The following KIF26B variants were observed in gnomAD, a reference collection of about 807,000 sequenced individuals.
KIF26B encodes the protein kinesin family member 26B.
KIF26B carries 63 observed loss-of-function variants against 151.2 expected under a neutral mutation model. That is an observed-to-expected ratio of 0.42 (90% CI 0.34 to 0.51). KIF26B has a LOEUF of 0.51. Among genes scored for constraint, KIF26B ranks in the 20% least tolerant of loss-of-function variants. KIF26B has a pLI of 0.07. For synonymous variants in KIF26B, 1,357 were observed against 1,262.1 expected, an observed-to-expected ratio of 1.08 and a Z score of -1.59; for missense variants, 2,813 against 2,913.6, an observed-to-expected ratio of 0.97 and a Z score of 0.79.
intron 4 of KIF26B, among the ~76,000 whole-genome samples, chr1:245,522,122 G>A (rs1008266081): frequency 1.7e-4 from 26 of 152,078 alleles, no homozygotes; most frequent in East Asian, 1.9e-4. Flanking sequence ...GCCCGCCTTG[G>A]CCTCCCAAAG....
At chr1:245,161,756 G>T (rs895873370) in intron 2 of KIF26B, among the ~76,000 whole-genome samples, 3 of 152,144 alleles carry the variant, frequency 2.0e-5, no homozygotes, top group South Asian at 2.1e-4. Flanking sequence ...GAAAAAATAT[G>T]CAAGGAACAG....
intron 3 of KIF26B, among the ~76,000 whole-genome samples, chr1:245,418,588 C>A (rs1417191095): frequency 6.6e-6 from 1 of 152,186 alleles, no homozygotes; most frequent in African/African-American, 2.4e-5. Flanking sequence ...CTTTATTGCA[C>A]TTGTATTTAG....
At chr1:245,331,239 G>A (rs12562675) in intron 2 of KIF26B, among the ~76,000 whole-genome samples, 5 of 152,182 alleles carry the variant, frequency 3.3e-5, no homozygotes, top group East Asian at 3.9e-4. Context: ...GTGCACGTGC[G>A]GACCAGAGGC....
At chr1:245,552,122 G>GAT (rs1553287299) in intron 5 of KIF26B, among the ~76,000 whole-genome samples, 4,127 of 131,626 alleles carry the variant, frequency 0.031, 221 homozygotes, top group Middle Eastern at 0.056. Context: ...GAACCAGCAG[G>GAT]GTGTGTGTGT....
intron 2 of KIF26B, among the ~76,000 whole-genome samples, chr1:245,361,724 T>C (rs1558402903): frequency 6.6e-6 from 1 of 152,218 alleles, no homozygotes; most frequent in Non-Finnish European, 1.5e-5. Flanking sequence ...TTATTTTGGC[T>C]GTCTCAGGCC....
At chr1:245,370,008 T>C (rs145253054) in intron 3 of KIF26B, among the ~76,000 whole-genome samples, 42 of 152,306 alleles carry the variant, frequency 2.8e-4, no homozygotes, top group African/African-American at 1.0e-3. Flanking sequence ...TTGTTTGCAG[T>C]TTTAAAATAT....
rs547614664 is a variant in KIF26B, at chr1:245,602,962, C to G, written c.1557+179C>G. Among the ~76,000 whole-genome samples, 1 of 152,060 alleles carries G rather than the reference C, an allele frequency of 6.6e-6. No homozygotes were observed. The highest frequency in any genetic ancestry group is 2.4e-5 in the African/African-American group (1 of 41,394). On this transcript the variant is annotated intron_variant, in intron 6 of 14. Coordinates refer to ENST00000407071, the MANE Select transcript of KIF26B (RefSeq NM_018012.4). This position sits in a 1 kb window ranked among gnomAD's most constrained non-coding sequence, Gnocchi z 4.5. ...GTGCTTTTGAATTACTGGTGTCAGA[C>G]CTTGGGCAGGATCAGTGTGCACAGA... is the stretch of plus-strand genomic sequence containing the variant.
chr1:245,665,145 A>G (rs1351227732), intron 10 of KIF26B, among the ~76,000 whole-genome samples: 1 of 152,210 alleles, frequency 6.6e-6, no homozygotes, highest in East Asian at 1.9e-4. Context: ...TCTTCTATAC[A>G]GTTTGAGCTC....
intron 2 of KIF26B, among the ~76,000 whole-genome samples, chr1:245,174,550 G>A (rs929873779): frequency 2.6e-5 from 4 of 151,988 alleles, no homozygotes; most frequent in African/African-American, 7.2e-5. Context: ...TCTGTCATCC[G>A]GGCTGGAGTG....
At chr1:245,605,709 A>G (rs2043444814) in intron 6 of KIF26B, among the ~76,000 whole-genome samples, 1 of 152,064 alleles carries the variant, frequency 6.6e-6, no homozygotes, top group South Asian at 2.1e-4. Flanking sequence ...TCCCAGGGGA[A>G]GCAGCAAGGG....
intron 10 of KIF26B, among the ~76,000 whole-genome samples, chr1:245,659,904 C>T (rs1257327122): frequency 1.3e-5 from 2 of 150,526 alleles, no homozygotes; most frequent in Non-Finnish European, 3.0e-5. Flanking sequence ...AAAAAAAAGC[C>T]AGGCGTGGTG....
chr1:245,243,457 C>CACAT (rs1205230437), intron 2 of KIF26B, among the ~76,000 whole-genome samples: 3 of 143,262 alleles, frequency 2.1e-5, no homozygotes, highest in Non-Finnish European at 3.2e-5. Flanking sequence ...TACACACACA[C>CACAT]ACACACACAC....
chr1:245,658,086 CAT>C (rs892783214), intron 10 of KIF26B, among the ~76,000 whole-genome samples: 2 of 152,218 alleles, frequency 1.3e-5, no homozygotes, highest in Non-Finnish European at 2.9e-5. Context: ...CCCCCCAAAA[CAT>C]ACTGTTTAGT....
At chr1:245,434,069 G>A (rs10754452) in intron 4 of KIF26B, among the ~76,000 whole-genome samples, 60,425 of 151,804 alleles carry the variant, frequency 0.4, 13,740 homozygotes, top group East Asian at 0.58. Context: ...TATAAATGTG[G>A]CTCATTTTTC....
chr1:245,301,198 T>C (rs866631058), intron 2 of KIF26B, among the ~76,000 whole-genome samples: 1 of 152,324 alleles, frequency 6.6e-6, no homozygotes, highest in Middle Eastern at 3.4e-3. Context: ...GTGGTTTCCC[T>C]GGGCCACTTT....
intron 4 of KIF26B, among the ~76,000 whole-genome samples, chr1:245,515,570 T>G (rs780119272): frequency 5.9e-5 from 9 of 152,256 alleles, no homozygotes; most frequent in Non-Finnish European, 1.2e-4. Flanking sequence ...CCTTCAGTTT[T>G]AAGTTAGTAT....
chr1:245,703,985 C>CAACT lies in KIF26B; in HGVS notation c.*1380_*1383dup, dbSNP rs1316381515. On this transcript the variant is annotated 3_prime_UTR_variant, in exon 15 of 15. Coordinates refer to ENST00000407071, the MANE Select transcript of KIF26B (RefSeq NM_018012.4). ...TGGATGTCCAGGTCTTGGCTCCCAACAACTCAGGACCTCAAATTCAGATGT... is the reference window on the plus strand; with the variant it reads ...TGGATGTCCAGGTCTTGGCTCCCAACAACTAACTCAGGACCTCAAATTCAGATGT... 3 of 152,256 alleles carry CAACT rather than the reference C, an allele frequency of 2.0e-5. No homozygotes were observed. The highest frequency in any genetic ancestry group is 7.2e-5 in the African/African-American group (3 of 41,464). 9.4% of individuals were successfully genotyped at this position (152,256 alleles called of 1,614,324 possible). A position where few individuals can be genotyped will look rare whatever the true frequency, so the allele number is the denominator to read the frequency against.
At chr1:245,386,848 G>A (rs1053783086) in intron 3 of KIF26B, among the ~76,000 whole-genome samples, 1 of 152,158 alleles carries the variant, frequency 6.6e-6, no homozygotes, top group Non-Finnish European at 1.5e-5. Context: ...CAGTGTTTTC[G>A]GATGCCCGCT....
chr1:245,297,509 A>G (rs189647706), intron 2 of KIF26B, among the ~76,000 whole-genome samples: 6 of 152,278 alleles, frequency 3.9e-5, no homozygotes, highest in Admixed American at 2.6e-4. Flanking sequence ...ACTGCCATAC[A>G]CTGTCTTTCT....
Sources: allele counts gnomAD v4.1 joint callset (sites outside exome capture counted in the v4.1 genomes callset), GRCh38; gene constraint gnomAD v4.1.1; non-coding constraint Gnocchi (gnomAD v3.1); transcripts MANE v1.5; gene names NCBI Gene and HGNC (gene_info 2026-07-23, HGNC 2026-07-21).